Variants in ATRNL1 observed in about 807,000 individuals in gnomAD.
ATRNL1 encodes the protein attractin like 1.
In ATRNL1, 95 loss-of-function variants were observed where a neutral mutation model predicts 182.7. The observed-to-expected ratio is 0.52, with a 90% CI of 0.44 to 0.62. ATRNL1 has a LOEUF of 0.62. ATRNL1 is among the 20% of genes least tolerant of loss of function. The probability of loss-of-function intolerance (pLI) is 0.00; values close to 1 mark genes in which losing one functional copy is unlikely to be tolerated. For missense variants in ATRNL1, 1,471 were observed against 1,679.5 expected (o/e 0.88, Z 2.17); for synonymous variants, 576 against 568.3 (o/e 1.01, Z -0.19).
chr10:115,939,282 G>A (rs1253807487), intron 28 of ATRNL1, among the ~76,000 whole-genome samples: 1 of 152,160 alleles, frequency 6.6e-6, no homozygotes, highest in Non-Finnish European at 1.5e-5. Context: ...TGCCCTAGGT[G>A]AACCAGAGCA....
At chr10:115,841,585 C>T (rs1326977598) in intron 27 of ATRNL1, among the ~76,000 whole-genome samples, 1 of 152,078 alleles carries the variant, frequency 6.6e-6, no homozygotes, top group Admixed American at 6.6e-5. Flanking sequence ...ACGTGTAATA[C>T]TTTATTCTCT....
intron 21 of ATRNL1, among the ~76,000 whole-genome samples, chr10:115,436,540 G>A (rs780869215): frequency 6.6e-6 from 1 of 152,094 alleles, no homozygotes; most frequent in Non-Finnish European, 1.5e-5. Context: ...TTTTGAAATT[G>A]TTCTAAATGT....
chr10:115,478,857 A>G (rs1592715098), intron 24 of ATRNL1, among the ~76,000 whole-genome samples: 1 of 151,642 alleles, frequency 6.6e-6, no homozygotes, highest in African/African-American at 2.4e-5. Flanking sequence ...TTTTATTACA[A>G]TTTATGTTAT....
chr10:115,238,627 G>A (rs1317971321), intron 9 of ATRNL1, among the ~76,000 whole-genome samples: 2 of 149,306 alleles, frequency 1.3e-5, no homozygotes, highest in African/African-American at 2.5e-5. Context: ...GGTTTTTTTG[G>A]TTGTTGTTGT....
At chr10:115,426,372 C>A in intron 21 of ATRNL1, 70 bp downstream of exon 21, 1 of 1,096,820 alleles carries the variant, frequency 9.1e-7, no homozygotes, top group Non-Finnish European at 1.3e-6. Context: ...TAAAGGTCAT[C>A]TTGAATAACT....
At chr10:115,776,884 C>A (rs1265454309) in intron 27 of ATRNL1, among the ~76,000 whole-genome samples, 1 of 152,082 alleles carries the variant, frequency 6.6e-6, no homozygotes, top group African/African-American at 2.4e-5. Flanking sequence ...GGGCCAGGCG[C>A]GGCGGCTCAC....
intron 27 of ATRNL1, among the ~76,000 whole-genome samples, chr10:115,738,286 C>T (rs879974871): frequency 6.6e-6 from 1 of 151,286 alleles, no homozygotes; most frequent in Non-Finnish European, 1.5e-5. Flanking sequence ...GTTATAGACA[C>T]CCACTACAAT....
intron 27 of ATRNL1, among the ~76,000 whole-genome samples, chr10:115,826,771 G>C (rs1555092138): frequency 1.3e-5 from 2 of 152,156 alleles, no homozygotes; most frequent in African/African-American, 4.8e-5. Flanking sequence ...GGAAGCGCAG[G>C]CTGTAGGTAA....
At chr10:115,538,946 A>G (rs954062507) in intron 25 of ATRNL1, among the ~76,000 whole-genome samples, 11 of 152,204 alleles carry the variant, frequency 7.2e-5, no homozygotes, top group Admixed American at 2.0e-4. Flanking sequence ...ATAATTACCT[A>G]CAGTATTCAA....
intron 27 of ATRNL1, among the ~76,000 whole-genome samples, chr10:115,752,286 G>T (rs1948470361): frequency 6.6e-6 from 1 of 151,908 alleles, no homozygotes; most frequent in African/African-American, 2.4e-5. Context: ...GAGATTTAAA[G>T]GGATTTCAGA....
chr10:115,496,470 T>C (rs1260907327), intron 24 of ATRNL1, among the ~76,000 whole-genome samples: 2 of 152,110 alleles, frequency 1.3e-5, no homozygotes, highest in African/African-American at 4.8e-5. Context: ...ATTGAAAGCT[T>C]TTTCTCTATA....
At chr10:115,785,963 A>G (rs1311324108) in intron 27 of ATRNL1, among the ~76,000 whole-genome samples, 6 of 152,074 alleles carry the variant, frequency 3.9e-5, no homozygotes, top group Non-Finnish European at 5.9e-5. Flanking sequence ...TTCCGATAAT[A>G]TGTTCTTCAT....
chr10:115,190,733 T>C (rs919146584), intron 8 of ATRNL1, among the ~76,000 whole-genome samples: 1 of 152,098 alleles, frequency 6.6e-6, no homozygotes, highest in Non-Finnish European at 1.5e-5. Context: ...TTCTACTTGT[T>C]TAGTTATTTA....
At chr10:115,182,663 A>T (rs1554888013) in intron 8 of ATRNL1, among the ~76,000 whole-genome samples, 1 of 151,576 alleles carries the variant, frequency 6.6e-6, no homozygotes, top group African/African-American at 2.4e-5. Flanking sequence ...ACAGAGAAAG[A>T]TTTCATAGGT....
chr10:115,895,223 T>C (rs573615173), intron 28 of ATRNL1, among the ~76,000 whole-genome samples: 6 of 152,318 alleles, frequency 3.9e-5, no homozygotes, highest in African/African-American at 1.4e-4. Context: ...ATTTGCATGA[T>C]CTGAAATGAA....
chr10:115,158,389 A>C (rs1322189292), intron 5 of ATRNL1, among the ~76,000 whole-genome samples: 1 of 152,052 alleles, frequency 6.6e-6, no homozygotes, highest in Non-Finnish European at 1.5e-5. Context: ...CTGAATGAAC[A>C]TGGCTGTGTT....
At chr10:115,182,027 A>G (rs1236890907) in intron 8 of ATRNL1, among the ~76,000 whole-genome samples, 4 of 151,670 alleles carry the variant, frequency 2.6e-5, no homozygotes, top group African/African-American at 9.7e-5. Flanking sequence ...AGGAAATGAT[A>G]TCCTAAATGA....
At chr10:115,938,346 G>C (rs2134613932) in intron 28 of ATRNL1, among the ~76,000 whole-genome samples, 1 of 152,142 alleles carries the variant, frequency 6.6e-6, no homozygotes, top group African/African-American at 2.4e-5. Context: ...CAAATTTAGT[G>C]GTTTAAAAAG....
intron 27 of ATRNL1, among the ~76,000 whole-genome samples, chr10:115,755,644 T>C (rs1256637447): frequency 6.6e-6 from 1 of 152,164 alleles, no homozygotes; most frequent in East Asian, 1.9e-4. Context: ...TTTGGTTGCA[T>C]TTCTGCCAGG....
Sources: gnomAD v4.1 joint callset for allele counts (sites outside exome capture counted in the v4.1 genomes callset) on GRCh38, gnomAD v4.1.1 for gene constraint, MANE v1.5 for transcripts, NCBI Gene and HGNC (gene_info 2026-07-23, HGNC 2026-07-21) for gene names.